Variants in MRGPRX3 observed in about 807,000 individuals in gnomAD.
The protein encoded by MRGPRX3 is MAS related GPR family member X3, also known as mas-related G protein-coupled receptor member X3.
In MRGPRX3, 14 loss-of-function variants were observed where a neutral mutation model predicts 16.5. That is an observed-to-expected ratio of 0.85 (90% CI 0.56 to 1.33). The LOEUF is 1.33. Ranked by LOEUF, MRGPRX3 falls within the 40% of genes most tolerant of loss-of-function variation. The pLI is 0.00. For synonymous variants in MRGPRX3, 199 were observed against 180.1 expected (o/e 1.10, Z -0.84); for missense variants, 449 against 413.0 (o/e 1.09, Z -0.76).
intron 1 of MRGPRX3, among the ~76,000 whole-genome samples, chr11:18,121,359 C>G (rs1276103371): frequency 6.6e-6 from 1 of 152,000 alleles, no homozygotes; most frequent in Non-Finnish European, 1.5e-5. Flanking sequence ...CCAGCCGCCC[C>G]GTCCGGGAGG....
intron 1 of MRGPRX3, among the ~76,000 whole-genome samples, chr11:18,127,086 T>G (rs76316218): frequency 0.084 from 12,775 of 152,306 alleles, 1,032 homozygotes; most frequent in East Asian, 0.25. Flanking sequence ...TTTAAGAATG[T>G]TGAATATTGG....
intron 1 of MRGPRX3, among the ~76,000 whole-genome samples, chr11:18,124,375 T>G (rs891902878): frequency 1.3e-5 from 2 of 152,208 alleles, no homozygotes; most frequent in African/African-American, 4.8e-5. Context: ...CAATACCTAA[T>G]TTATTGAGAG....
At chr11:18,128,826 T>A (rs1280910639), upstream of MRGPRX3, among the ~76,000 whole-genome samples, 2 of 152,220 alleles carry the variant, frequency 1.3e-5, no homozygotes, top group African/African-American at 4.8e-5. Context: ...ATAAACCCAG[T>A]ACCTCACTTG....
intron 1 of MRGPRX3, among the ~76,000 whole-genome samples, chr11:18,125,156 T>A (rs561323072): frequency 1.3e-5 from 2 of 152,202 alleles, no homozygotes; most frequent in Non-Finnish European, 2.9e-5. Flanking sequence ...GATTCATTGA[T>A]TTTTTGAAGG....
At chr11:18,124,926 T>C (rs1055670721) in intron 1 of MRGPRX3, among the ~76,000 whole-genome samples, 5 of 152,252 alleles carry the variant, frequency 3.3e-5, no homozygotes, top group Non-Finnish European at 7.3e-5. Flanking sequence ...AGAGTGTATA[T>C]GTGTCGAGGA....
At chr11:18,122,010 A>T (rs1309009197) in intron 1 of MRGPRX3, among the ~76,000 whole-genome samples, 4 of 70,620 alleles carry the variant, frequency 5.7e-5, no homozygotes, top group African/African-American at 7.3e-5. Flanking sequence ...AATAAAATTT[A>T]AAAAAAAAGA....
chr11:18,123,470 T>C (rs2134078724), intron 1 of MRGPRX3, among the ~76,000 whole-genome samples: 1 of 152,332 alleles, frequency 6.6e-6, no homozygotes, highest in Admixed American at 6.5e-5. Flanking sequence ...CTTGTTTTTG[T>C]CAGGTTTGTC....
chr11:18,126,855 T>C (rs1188036653), intron 1 of MRGPRX3, among the ~76,000 whole-genome samples: 2 of 152,224 alleles, frequency 1.3e-5, no homozygotes, highest in African/African-American at 4.8e-5. Flanking sequence ...TATTCCATGG[T>C]GTATATGTGC....
upstream of MRGPRX3, among the ~76,000 whole-genome samples, chr11:18,128,769 C>T (rs891245736): frequency 3.3e-5 from 5 of 152,200 alleles, no homozygotes; most frequent in East Asian, 1.9e-4. Flanking sequence ...ACACTTGGTG[C>T]GCTGCACCCA....
At chr11:18,133,363 G>A (rs1283994070) in intron 1 of MRGPRX3, among the ~76,000 whole-genome samples, 2 of 152,182 alleles carry the variant, frequency 1.3e-5, no homozygotes, top group African/African-American at 4.8e-5. Flanking sequence ...AGCCCTGCGT[G>A]GCCAACGCAC....
intron 1 of MRGPRX3, among the ~76,000 whole-genome samples, chr11:18,125,635 G>A (rs1235230808): frequency 1.3e-5 from 2 of 152,158 alleles, no homozygotes; most frequent in African/African-American, 4.8e-5. Context: ...GAATAGGTGT[G>A]ATGTGGTGCT....
At chr11:18,128,557 G>A (rs1396895687), upstream of MRGPRX3, among the ~76,000 whole-genome samples, 4 of 152,232 alleles carry the variant, frequency 2.6e-5, no homozygotes, top group Non-Finnish European at 5.9e-5. Context: ...GAGGCTCCAT[G>A]GGCATAGGAC....
At chr11:18,127,770 T>C (rs985617127), upstream of MRGPRX3, among the ~76,000 whole-genome samples, 2 of 152,212 alleles carry the variant, frequency 1.3e-5, no homozygotes, top group Admixed American at 6.5e-5. Flanking sequence ...TTCTCTCAAC[T>C]TGTCAAAGTC....
chr11:18,125,063 T>C (rs946275353), intron 1 of MRGPRX3, among the ~76,000 whole-genome samples: 1 of 134,170 alleles, frequency 7.5e-6, no homozygotes, highest in African/African-American at 2.4e-5. Flanking sequence ...ATTGCATCTA[T>C]TTGATTCTTC....
chr11:18,136,034 T>G (rs551184333), intron 1 of MRGPRX3, among the ~76,000 whole-genome samples: 1 of 152,158 alleles, frequency 6.6e-6, no homozygotes, highest in East Asian at 1.9e-4. Context: ...CAGTTGAAAT[T>G]TGCATGAATA....
upstream of MRGPRX3, among the ~76,000 whole-genome samples, chr11:18,131,866 G>A (rs574513328): frequency 2.0e-5 from 3 of 151,982 alleles, no homozygotes; most frequent in Admixed American, 1.3e-4. Context: ...GTGAGGACAC[G>A]AAGGCATAGA....
intron 1 of MRGPRX3, 110 bp from the exon 2 acceptor site, chr11:18,137,068 G>A (rs543945486): frequency 1.6e-5 from 19 of 1,159,588 alleles, no homozygotes; most frequent in African/African-American, 7.7e-5. Flanking sequence ...TATTCTCTGC[G>A]AGTCTCTGAT....
chr11:18,136,212 A>G (rs1160200104), intron 1 of MRGPRX3, among the ~76,000 whole-genome samples: 4 of 152,184 alleles, frequency 2.6e-5, no homozygotes, highest in African/African-American at 7.2e-5. Flanking sequence ...TCCCCCATAC[A>G]TATTCCCACA....
In MRGPRX3 at chr11:18,121,569, T is replaced by C. The variant is rs537055078; in HGVS notation, c.-152+405T>C. 5.3e-5 allele frequency among the ~76,000 whole-genome samples: 8 copies of C among 152,078 alleles called. No individual in the cohort carries two copies. The East Asian group carries it at 1.4e-3, about 26-fold the overall frequency. On this transcript the variant is annotated intron_variant, in intron 1 of 2. Transcript: ENST00000396275. ...TTGTGGAATAGAAAGGCGGGAAAGG[T>C]GGGGAAAAGATTGAGAAATCGGATG...
Sources: gnomAD v4.1 joint callset for allele counts (sites outside exome capture counted in the v4.1 genomes callset) on GRCh38, gnomAD v4.1.1 for gene constraint, MANE v1.5 for transcripts, NCBI Gene and HGNC (gene_info 2026-07-23, HGNC 2026-07-21) for gene names.